Variants in PLCZ1 observed in about 807,000 individuals in gnomAD.
The protein encoded by PLCZ1 is 1-phosphatidylinositol 4,5-bisphosphate phosphodiesterase zeta-1.
Under a neutral mutation model 76.8 loss-of-function variants are expected in PLCZ1, and 64 were observed. The observed-to-expected ratio is 0.83, with a 90% CI of 0.68 to 1.03. The LOEUF (loss-of-function observed/expected upper bound fraction) is 1.03. Among genes scored for constraint, PLCZ1 ranks in the 50% least tolerant of loss-of-function variants. The probability of loss-of-function intolerance (pLI) is 0.00; values close to 1 mark genes in which losing one functional copy is unlikely to be tolerated. For synonymous variants in PLCZ1, 248 were observed against 230.8 expected (o/e 1.07, Z -0.68); for missense variants, 751 against 713.7 (o/e 1.05, Z -0.60).
intron 5 of PLCZ1, among the ~76,000 whole-genome samples, chr12:18,715,041 A>C (rs553137959): frequency 1.3e-5 from 2 of 151,660 alleles, no homozygotes; most frequent in Non-Finnish European, 2.9e-5. Context: ...GATCATATGC[A>C]GTCCCTTTCT....
chr12:18,665,567 C>T, the PLCZ1 span, among the ~76,000 whole-genome samples: 2 of 152,014 alleles, frequency 1.3e-5, no homozygotes, highest in East Asian at 3.9e-4. Context: ...CCAAGGCAGG[C>T]AGATCACCTG....
In PLCZ1 at chr12:18,713,243, T is replaced by C. The variant is rs996879264; in HGVS notation, c.570-257A>G. 3.0e-4 allele frequency among the ~76,000 whole-genome samples: 45 copies of C among 152,226 alleles called. 1 individual carries two copies. The highest frequency in any genetic ancestry group is 1.2e-4 in the Non-Finnish European group (8 of 68,010). ...ATGTTTTACTCTTCCGTGCTCTCCA[T>C]ACAAGGCTTGGTTTTCAGTAAGCAA... On this transcript the variant is annotated intron_variant, in intron 5 of 14. Transcript: ENST00000266505.
intron 3 of PLCZ1, among the ~76,000 whole-genome samples, chr12:18,730,746 T>G (rs561851488): frequency 3.3e-5 from 5 of 152,282 alleles, no homozygotes; most frequent in African/African-American, 4.8e-5. Flanking sequence ...CAGATATCTC[T>G]GCCCTGAAGA....
chr12:18,703,516 T>C (rs1285129515), intron 7 of PLCZ1, among the ~76,000 whole-genome samples: 1 of 152,218 alleles, frequency 6.6e-6, no homozygotes, highest in Non-Finnish European at 1.5e-5. Context: ...TGTTATACAT[T>C]GACCAGACTC....
chr12:18,708,368 C>G (rs1001817088), intron 6 of PLCZ1, among the ~76,000 whole-genome samples: 1 of 152,108 alleles, frequency 6.6e-6, no homozygotes, highest in African/African-American at 2.4e-5. Context: ...AAGACTGAAT[C>G]ATATTCCATT....
chr12:18,715,744 A>C (rs1565721014), intron 5 of PLCZ1: 1 of 152,174 alleles, frequency 6.6e-6, no homozygotes, highest in Non-Finnish European at 1.5e-5. Context: ...GCAAGTCATC[A>C]TCCCACTTCA....
At chr12:18,723,163 A>G (rs1958545575) in intron 4 of PLCZ1, 148 bp downstream of exon 4, 1 of 670,138 alleles carries the variant, frequency 1.5e-6, no homozygotes, top group Non-Finnish European at 2.5e-6. Context: ...TCTATAAAAT[A>G]TATTTTCTCA....
At chr12:18,691,571 G>C (rs1954089861) in intron 12 of PLCZ1, among the ~76,000 whole-genome samples, 1 of 152,140 alleles carries the variant, frequency 6.6e-6, no homozygotes, top group Admixed American at 6.5e-5. Context: ...TTGGAAGGTA[G>C]GGGGTAAAAG....
At chr12:18,652,924 T>A in the PLCZ1 span, among the ~76,000 whole-genome samples, 3 of 151,938 alleles carry the variant, frequency 2.0e-5, no homozygotes, top group South Asian at 6.2e-4. Context: ...ATACATATTC[T>A]GTCTCACACA....
At chr12:18,648,275 A>G in the PLCZ1 span, 1 of 262,646 alleles carries the variant, frequency 3.8e-6, no homozygotes, top group Middle Eastern at 1.1e-3. Flanking sequence ...AAATAATAAA[A>G]GACCTTTATT....
chr12:18,664,506 A>T, the PLCZ1 span, among the ~76,000 whole-genome samples: 2 of 152,196 alleles, frequency 1.3e-5, no homozygotes, highest in Non-Finnish European at 2.9e-5. Flanking sequence ...GCTAAGTGAA[A>T]TAAGAAAAAT....
the PLCZ1 span, among the ~76,000 whole-genome samples, chr12:18,671,187 TAAA>T: frequency 7.5e-6 from 1 of 134,116 alleles, no homozygotes; most frequent in Non-Finnish European, 1.6e-5. Flanking sequence ...AGACTCCATC[TAAA>T]AAAAAAAAAA....
chr12:18,665,609 A>G, the PLCZ1 span, among the ~76,000 whole-genome samples: 34 of 152,270 alleles, frequency 2.2e-4, no homozygotes, highest in African/African-American at 1.2e-4. Flanking sequence ...CCTGACCAAC[A>G]TAGTGAAACC....
rs34568267 is a variant in PLCZ1, at chr12:18,731,533, C to CTTT, written c.135+4685_135+4687dup. On this transcript the variant is annotated intron_variant, in intron 3 of 14. Transcript: ENST00000266505. ...GTCATTTCTGTGAGTAATAAGCTGT[C>CTTT]TTTTTTTTTTTTTTTTTTTTTTTTG... is the stretch of plus-strand genomic sequence containing the variant. Among the ~76,000 whole-genome samples the CTTT allele has an allele frequency of 2.1e-3, 196 of 94,314 alleles. 3 individuals carry two copies. Among genetic ancestry groups the CTTT allele is most frequent in the East Asian group, 2.8e-3 (8 of 2,904 alleles). 61.9% of individuals were successfully genotyped at this position (94,314 alleles called of 152,430 possible).
chr12:18,684,086 A>T, intron 14 of PLCZ1, 44 bp downstream of exon 14: 3 of 1,600,440 alleles, frequency 1.9e-6, no homozygotes, highest in Non-Finnish European at 2.6e-6. Flanking sequence ...TACACAAGTT[A>T]TATTTAAATG....
In PLCZ1 at chr12:18,684,271, G is replaced by A. The variant is rs1190644019; in HGVS notation, c.1600C>T (p.Pro534Ser). The A allele has an allele frequency of 1.2e-6, 2 of 1,605,550 alleles. No homozygotes were observed. The highest frequency in any genetic ancestry group is 1.7e-6 in the Non-Finnish European group (2 of 1,173,822). Residue 534 changes from proline (P) to serine (S), a missense_variant, in exon 14 of 15, where the codon CCA (proline) becomes TCA (serine). Physicochemically the swap from Pro to Ser is moderately conservative, Grantham distance 74. Coordinates refer to ENST00000266505, the MANE Select transcript of PLCZ1 (RefSeq NM_033123.4). The part of the protein sequence containing the change: ...TRVIKKNAFS[P>S]RWNETFTFII... ...AATGTGAATGTTTCATTCCATCTTG[G>A]ACTAAAAGCTGAAATATAAAAAAAG...
At chr12:18,716,272 A>C (rs934704306) in intron 5 of PLCZ1, among the ~76,000 whole-genome samples, 2 of 152,246 alleles carry the variant, frequency 1.3e-5, no homozygotes, top group Admixed American at 1.3e-4. Context: ...ACCAAGAACT[A>C]TATTGTGAAA....
Position 18,696,172 on chromosome 12 carries a change from A to G in PLCZ1, c.1269T>C (p.Phe423=). 2 of 1,572,382 alleles carry G rather than the reference A, an allele frequency of 1.3e-6. No individual in the cohort carries two copies. The highest frequency in any genetic ancestry group is 8.7e-7 in the Non-Finnish European group (1 of 1,145,666). Residue 423 remains phenylalanine, a synonymous_variant, in exon 11 of 15, where the codon TTT becomes TTC. Coordinates refer to ENST00000266505, the MANE Select transcript of PLCZ1 (RefSeq NM_033123.4). Reference sequence around the variant, plus strand: ...TACCCATTTGACAACCTATATTCCAAAATTCTTGGGGATTAAAATTAGAAG... The same window carrying G: ...TACCCATTTGACAACCTATATTCCAGAATTCTTGGGGATTAAAATTAGAAG... ...ADSSNFNPQE[F]WNIGCQMVAL...
At position 18,710,082 on chromosome 12, in the gene PLCZ1, C is replaced by T. The variant is rs1227013287; in HGVS notation, c.714+2760G>A. ...TGGAATCGTTGGGCTTTTTTACATA[C>T]AGGATTATGTCATCTGCAAATAAAC... On this transcript the variant is annotated intron_variant, in intron 6 of 14. Transcript: ENST00000266505. Among the ~76,000 whole-genome samples the T allele has an allele frequency of 3.3e-5, 5 of 151,110 alleles. No individual in the cohort carries two copies. The Admixed American group carries it at 3.3e-4, about 10-fold the overall frequency.
Sources: allele counts gnomAD v4.1 joint callset (sites outside exome capture counted in the v4.1 genomes callset), GRCh38; gene constraint gnomAD v4.1.1; transcripts MANE v1.5; gene names NCBI Gene and HGNC (gene_info 2026-07-23, HGNC 2026-07-21).